RGS19: variants seen among roughly 807,000 people sequenced by gnomAD.
RGS19 encodes regulator of G protein signaling 19.
A neutral mutation model predicts 22.0 loss-of-function variants in RGS19; 9 were observed. That is an observed-to-expected ratio of 0.41 (90% CI 0.25 to 0.71). RGS19 has a LOEUF of 0.71. Among genes scored for constraint, RGS19 ranks in the 30% least tolerant of loss-of-function variants. The pLI, the probability that RGS19 is intolerant of heterozygous loss-of-function variation, is 0.32. For synonymous variants in RGS19, 130 were observed against 127.3 expected (o/e 1.02, Z -0.14); for missense variants, 256 against 307.1 (o/e 0.83, Z 1.24).
chr20:64,076,582 G>A lies in RGS19; in HGVS notation c.95C>T (p.Ala32Val), dbSNP rs577488638. The A allele has an allele frequency of 4.7e-5, 76 of 1,612,344 alleles. No individual in the cohort carries two copies. The Middle Eastern group carries it at 9.9e-4, about 21-fold the overall frequency. The change falls in exon 3 of 6, where the codon GCG becomes GTG. Residue 32 changes from alanine to valine, a missense_variant. Physicochemically the swap from Ala to Val is moderately conservative, Grantham distance 64. Coordinates refer to ENST00000395042, the MANE Select transcript of RGS19 (RefSeq NM_005873.3). ...SMSSHDTASP[A>V]APSRNPCCLC... The stretch of plus-strand genomic sequence containing the variant: ...GCAGCAGGGGTTGCGGCTGGGGGCC[G>A]CTGGAGAGGCTGTATCATGACTGGA...
rs770796726 is a variant in RGS19, at chr20:64,073,979, C to A, written c.528G>T (p.Thr176=). Residue 176 remains threonine (T), a synonymous_variant, in exon 6 of 6, where the codon ACG becomes ACT. Transcript: ENST00000395042. ...AGATCTGCAGCTGCGCGTCGTCGAA[C>A]GTGTGTGCGGACGGCTCCTGCATCT... ...NKKMQEPSAH[T]FDDAQLQIYT... 60 of 1,566,092 alleles carry A rather than the reference C, an allele frequency of 3.8e-5. No homozygotes were observed. Among genetic ancestry groups the A allele is most frequent in the Non-Finnish European group, 5.2e-5 (60 of 1,154,444 alleles).
intron 2 of RGS19, 21 bp from the exon 3 acceptor site, chr20:64,076,667 C>G (rs1467133156): frequency 6.3e-7 from 1 of 1,588,936 alleles, no homozygotes; most frequent in East Asian, 2.2e-5. Context: ...GTGGGGCTAC[C>G]TCAGCTTTCA....
upstream of RGS19, chr20:64,079,581 G>T (rs906717819): frequency 6.6e-6 from 1 of 151,930 alleles, no homozygotes; most frequent in Non-Finnish European, 1.5e-5. The surrounding 1 kb of genome is among the most constrained non-coding windows in gnomAD (Gnocchi z 5.1). Flanking sequence ...CGGGCTGAGA[G>T]GGGGAGGGAG....
At chr20:64,076,728 C>T (rs1272310914) in intron 2 of RGS19, 82 bp from the exon 3 acceptor site, 1 of 1,522,446 alleles carries the variant, frequency 6.6e-7, no homozygotes, top group African/African-American at 1.4e-5. Context: ...CCATGGGTAG[C>T]CCTGTTCCCA....
chr20:64,073,735 G>T lies in RGS19; in HGVS notation c.*118C>A. 1 of 888,606 alleles carries T rather than the reference G, an allele frequency of 1.1e-6. No homozygotes were observed. The highest frequency in any genetic ancestry group is 1.7e-5 in the South Asian group (1 of 59,790). 55.0% of individuals were successfully genotyped at this position (888,606 alleles called of 1,614,324 possible). The stretch of plus-strand genomic sequence containing the variant: ...CCCCACTGGGTCTAGGACCGTCTCC[G>T]CGGGTGGGGACCCCAGCCGGCCAGG... On this transcript the variant is annotated 3_prime_UTR_variant, in exon 6 of 6. Coordinates refer to ENST00000395042, the MANE Select transcript of RGS19 (RefSeq NM_005873.3).
intron 3 of RGS19, 67 bp downstream of exon 3, chr20:64,076,458 C>A: frequency 6.3e-7 from 1 of 1,597,820 alleles, no homozygotes. Flanking sequence ...ACTGGGTCCC[C>A]TCCTGGGTCT....
rs372476493 is a variant in RGS19, at chr20:64,073,967, C to T, written c.540G>A (p.Ala180=). ...GCATGAGCGTGTAGATCTGCAGCTG[C>T]GCGTCGTCGAACGTGTGTGCGGACG... ...QEPSAHTFDD[A]QLQIYTLMHR... The change falls in exon 6 of 6, where the codon GCG becomes GCA. Residue 180 remains alanine (A), a synonymous_variant. Coordinates refer to ENST00000395042, the MANE Select transcript of RGS19 (RefSeq NM_005873.3). 40 of 1,604,636 alleles carry T rather than the reference C, an allele frequency of 2.5e-5. No homozygotes were observed. The highest frequency in any genetic ancestry group is 1.3e-4 in the South Asian group (12 of 89,758).
rs766420151 is a variant in RGS19, at chr20:64,074,524, C to G, written c.170G>C (p.Arg57Pro). The change falls in exon 4 of 6, where the codon CGC (arginine) becomes CCC (proline). Residue 57 changes from arginine to proline, a missense_variant. Physicochemically the swap from Arg to Pro is moderately radical, Grantham distance 103. Coordinates refer to ENST00000395042, the MANE Select transcript of RGS19 (RefSeq NM_005873.3). ...CSCSWNQERR[R>P]AWQASRESKL... ...GCTCTCCCGGGAGGCCTGCCACGCG[C>G]GCCGCCGCTCTTGGTTCCTAGTGGC... The G allele has an allele frequency of 1.3e-6, 2 of 1,563,812 alleles. No homozygotes were observed. The highest frequency in any genetic ancestry group is 1.7e-6 in the Non-Finnish European group (2 of 1,154,878).
intron 1 of RGS19, 36 bp from the exon 2 acceptor site, chr20:64,076,990 G>A (rs1478932208): frequency 8.9e-7 from 1 of 1,121,826 alleles, no homozygotes; most frequent in Non-Finnish European, 1.2e-6. Flanking sequence ...CTGAGAACCT[G>A]AAACCCCAGC....
intron 3 of RGS19, 35 bp from the exon 4 acceptor site, chr20:64,074,576 A>G (rs1303079375): frequency 4.7e-5 from 72 of 1,530,596 alleles, no homozygotes; most frequent in Non-Finnish European, 5.7e-5. Flanking sequence ...TGCCGTGGGC[A>G]CACACGCCTC....
rs1601609627 is a variant in RGS19 at position 64,073,833 on chromosome 20, T to G, written c.*20A>C. The G allele has an allele frequency of 6.3e-7, 1 of 1,586,872 alleles. No individual in the cohort carries two copies. Among genetic ancestry groups the G allele is most frequent in the Admixed American group, 1.7e-5 (1 of 58,432 alleles). Reference sequence around the variant, plus strand: ...GAGTCGGCCGTAGGAGGCGGCGGGGTCTGTGCTGCTGGGGGCGGCCTAGGC... The same window carrying G: ...GAGTCGGCCGTAGGAGGCGGCGGGGGCTGTGCTGCTGGGGGCGGCCTAGGC... On this transcript the variant is annotated 3_prime_UTR_variant, in exon 6 of 6. Coordinates refer to ENST00000395042, the MANE Select transcript of RGS19 (RefSeq NM_005873.3).
rs1238279981 is a variant in RGS19, at chr20:64,074,135, C to T, written c.462+9G>A. 1 of 1,610,744 alleles carries T rather than the reference C, an allele frequency of 6.2e-7. No individual in the cohort carries two copies. Among genetic ancestry groups the T allele is most frequent in the South Asian group, 1.1e-5 (1 of 90,942 alleles). ...GGCGGCCCCCGGCCTGTTCTGGTGT[C>T]TGGCGCACCTCCTTGGGGGACAGGA... On this transcript the variant is annotated intron_variant, in intron 5 of 5. Coordinates refer to ENST00000395042, the MANE Select transcript of RGS19 (RefSeq NM_005873.3).
At chr20:64,077,713 C>T (rs1163612483) in intron 1 of RGS19, among the ~76,000 whole-genome samples, 1 of 152,202 alleles carries the variant, frequency 6.6e-6, no homozygotes, top group Non-Finnish European at 1.5e-5. Context: ...GCTCCCCAGT[C>T]GAAGCCTCGG....
At position 64,074,411 on chromosome 20, in the gene RGS19, C is replaced by T. The variant is rs116419025; in HGVS notation, c.228-33G>A. ...CACGGGGGCCAGGCTATGTCAGGCC[C>T]GAGTCTCCCGGTCTGGGGCCCCCCC... is the stretch of plus-strand genomic sequence containing the variant. On this transcript the variant is annotated intron_variant, in intron 4 of 5. Coordinates refer to ENST00000395042, the MANE Select transcript of RGS19 (RefSeq NM_005873.3). 2,982 of 1,581,028 alleles carry T rather than the reference C, an allele frequency of 1.9e-3. 32 individuals carry two copies. In the African/African-American group the frequency reaches 0.031, roughly 17 times the overall value.
chr20:64,073,699 GAC>G lies in RGS19; in HGVS notation c.*152_*153del, dbSNP rs2145531735. The G allele has an allele frequency of 3.0e-6, 2 of 657,688 alleles. No individual in the cohort carries two copies. Among genetic ancestry groups the G allele is most frequent in the East Asian group, 2.9e-5 (1 of 34,920 alleles). The allele number at this position is 657,688 out of a possible 1,614,324, so 40.7% of individuals were successfully genotyped here. On this transcript the variant is annotated 3_prime_UTR_variant, in exon 6 of 6. Coordinates refer to ENST00000395042, the MANE Select transcript of RGS19 (RefSeq NM_005873.3). ...TGGCCACGGGTGGGCAGACCCAGGA[GAC>G]ACAGCACTCCCCACTGGGTCTAGGA... is the stretch of plus-strand genomic sequence containing the variant.
Position 64,076,551 on chromosome 20 carries a change from G to A in RGS19, c.126C>T (p.Cys42=). The A allele has an allele frequency of 6.2e-7, 1 of 1,613,004 alleles. No homozygotes were observed. The highest frequency in any genetic ancestry group is 8.5e-7 in the Non-Finnish European group (1 of 1,179,888). ...AGGAGCAGCTACAGCAGCAGCACCA[G>A]CACAGGCAGCAGGGGTTGCGGCTGG... ...AAPSRNPCCL[C]WCCCCSCSWN... is the part of the protein sequence containing the mutation. Residue 42 remains cysteine, a synonymous_variant, in exon 3 of 6, where the codon TGC becomes TGT. Coordinates refer to ENST00000395042, the MANE Select transcript of RGS19 (RefSeq NM_005873.3).
At position 64,076,527 on chromosome 20, in the gene RGS19, G is replaced by C. The variant is rs2059906675; in HGVS notation, c.150C>G (p.Ser50=). 6.2e-7 allele frequency: 1 copy of C among 1,612,920 alleles called. No homozygotes were observed. The highest frequency in any genetic ancestry group is 1.3e-5 in the African/African-American group (1 of 75,074). ...CLCWCCCCSC[S]WNQERRRAWQ... ...TGGGCACCCCAGGCCCTACTCACCA[G>C]GAGCAGCTACAGCAGCAGCACCAGC... Residue 50 remains serine, a splice_region_variant and synonymous_variant, in exon 3 of 6, where the codon TCC becomes TCG. Transcript: ENST00000395042.
Position 64,073,970 on chromosome 20 carries a change from G to A in RGS19, c.537C>T (p.Asp179=), listed in dbSNP as rs201499116. The A allele has an allele frequency of 7.1e-6, 11 of 1,552,406 alleles. No homozygotes were observed. The African/African-American group carries it at 1.0e-4, about 14-fold the overall frequency. ...MQEPSAHTFD[D]AQLQIYTLMH... is the part of the protein sequence containing the mutation. The stretch of plus-strand genomic sequence containing the variant: ...TGAGCGTGTAGATCTGCAGCTGCGC[G>A]TCGTCGAACGTGTGTGCGGACGGCT... The change falls in exon 6 of 6, where the codon GAC becomes GAT. Residue 179 remains aspartate, a synonymous_variant. Coordinates refer to ENST00000395042, the MANE Select transcript of RGS19 (RefSeq NM_005873.3).
intron 3 of RGS19, among the ~76,000 whole-genome samples, chr20:64,076,241 A>C (rs1362391231): frequency 6.6e-6 from 1 of 152,230 alleles, no homozygotes; most frequent in Non-Finnish European, 1.5e-5. Flanking sequence ...TCACAGCAGC[A>C]TGGATAAAGC....
Sources: allele counts gnomAD v4.1 joint callset (sites outside exome capture counted in the v4.1 genomes callset), GRCh38; gene constraint gnomAD v4.1.1; non-coding constraint Gnocchi (gnomAD v3.1); transcripts MANE v1.5; gene names NCBI Gene and HGNC (gene_info 2026-07-23, HGNC 2026-07-21).